The following PIGX variants were observed in gnomAD, a reference collection of about 807,000 sequenced individuals.
PIGX encodes GPI alpha-1,4-mannosyltransferase I, stabilizing subunit.
A neutral mutation model predicts 28.7 loss-of-function variants in PIGX; 24 were observed. That is an observed-to-expected ratio of 0.84 (90% CI 0.60 to 1.17). The LOEUF is 1.17. Ranked by LOEUF, PIGX falls within the 50% of genes most tolerant of loss-of-function variation. The pLI is 0.00. For synonymous variants in PIGX, 127 were observed against 121.0 expected, an observed-to-expected ratio of 1.05 and a Z score of -0.33; for missense variants, 305 against 317.8, an observed-to-expected ratio of 0.96 and a Z score of 0.31.
At chr3:196,725,810 C>G (rs986248680) in intron 3 of PIGX, among the ~76,000 whole-genome samples, 2 of 152,148 alleles carry the variant, frequency 1.3e-5, no homozygotes, top group African/African-American at 4.8e-5. Flanking sequence ...AAACAGAGAA[C>G]TTTTACTCAG....
At position 196,732,245 on chromosome 3, in the gene PIGX, TATATATATA is replaced by T. The variant is rs1712815919; in HGVS notation, c.633+1154_633+1162del. Reference sequence around the variant, plus strand: ...ATATATATATATATATATATATATATATATATATATATTTTATTTTATTTTATTTTTTTT... The same window carrying T: ...ATATATATATATATATATATATATATTATTTTATTTTATTTTATTTTTTTT... On this transcript the variant is annotated intron_variant, in intron 5 of 5. Transcript: ENST00000392391. 1.2e-4 allele frequency among the ~76,000 whole-genome samples: 5 copies of T among 41,048 alleles called. 1 individual carries two copies. The highest frequency in any genetic ancestry group is 8.2e-3 in the Middle Eastern group (1 of 122). 26.9% of individuals were successfully genotyped at this position (41,048 alleles called of 152,430 possible).
chr3:196,728,170 C>T, intron 4 of PIGX, 34 bp downstream of exon 4: 1 of 1,556,838 alleles, frequency 6.4e-7, no homozygotes, highest in Non-Finnish European at 8.8e-7. Context: ...AGGGTTGAAA[C>T]ATCAGAATAA....
At position 196,735,294 on chromosome 3, in the gene PIGX, C is replaced by CAAAAAAAAAAAAAAAA. The variant is rs60317348; in HGVS notation, c.*1407_*1422dup. On this transcript the variant is annotated 3_prime_UTR_variant, in exon 6 of 6. Coordinates refer to ENST00000392391, the MANE Select transcript of PIGX (RefSeq NM_017861.4). The stretch of plus-strand genomic sequence containing the variant: ...TGGGCGACAGAGTGAGACTCTGTCT[C>CAAAAAAAAAAAAAAAA]AAAAAAAAAAAAAAAAAAAAAAAAA... 2.7e-4 allele frequency: 12 copies of CAAAAAAAAAAAAAAAA among 45,234 alleles called. No individual in the cohort carries two copies. The highest frequency in any genetic ancestry group is 2.6e-3 in the East Asian group (1 of 388). 2.8% of individuals were successfully genotyped at this position (45,234 alleles called of 1,614,324 possible). A position where few individuals can be genotyped will look rare whatever the true frequency, so the allele number is the denominator to read the frequency against.
intron 2 of PIGX, among the ~76,000 whole-genome samples, chr3:196,720,201 T>C (rs1420513640): frequency 6.6e-6 from 1 of 152,258 alleles, no homozygotes; most frequent in Admixed American, 6.5e-5. Context: ...CCTTGCCTAT[T>C]GAGCAATAAC....
chr3:196,722,290 C>G, intron 2 of PIGX, 125 bp from the exon 3 acceptor site: 1 of 655,504 alleles, frequency 1.5e-6, no homozygotes. Flanking sequence ...TTCATTTGAC[C>G]TTATAATCTA....
In PIGX at chr3:196,730,979, C is replaced by T. The variant is rs765390551; in HGVS notation, c.533-13C>T. 1.3e-6 allele frequency: 2 copies of T among 1,545,028 alleles called. No homozygotes were observed. The highest frequency in any genetic ancestry group is 1.8e-6 in the Non-Finnish European group (2 of 1,118,432). On this transcript the variant is annotated splice_polypyrimidine_tract_variant and intron_variant, in intron 4 of 5. Transcript: ENST00000392391. ...ACAGGTTTTCTGACATCATTTTCTACCACTTTTCTCAGAGTTCCCGATTTT... is the reference window on the plus strand; with the variant it reads ...ACAGGTTTTCTGACATCATTTTCTATCACTTTTCTCAGAGTTCCCGATTTT...
rs1298397008 is a variant in PIGX, at chr3:196,728,333, TAA to T, written c.532+202_532+203del. On this transcript the variant is annotated intron_variant, in intron 4 of 5. Transcript: ENST00000392391. ...TTTATGTGTGTGCTTTAATTTACAA[TAA>T]AAAAGTTAAAAAGAAACATGCATCT... 13 of 589,940 alleles carry T rather than the reference TAA, an allele frequency of 2.2e-5. No individual in the cohort carries two copies. In the East Asian group the frequency reaches 3.4e-4, roughly 15 times the overall value. 36.5% of individuals were successfully genotyped at this position (589,940 alleles called of 1,614,324 possible).
At chr3:196,718,559 G>C (rs965420707) in intron 2 of PIGX, among the ~76,000 whole-genome samples, 4 of 152,068 alleles carry the variant, frequency 2.6e-5, no homozygotes, top group Non-Finnish European at 4.4e-5. Context: ...GTTTCCAGTA[G>C]TGAACGTACT....
intron 1 of PIGX, among the ~76,000 whole-genome samples, chr3:196,715,862 G>T (rs569621312): frequency 1.3e-5 from 2 of 152,236 alleles, no homozygotes; most frequent in East Asian, 3.9e-4. Flanking sequence ...GTCTTGCTAT[G>T]TTGTCCAGGC....
chr3:196,727,188 A>G (rs775382238), intron 3 of PIGX, among the ~76,000 whole-genome samples: 8 of 152,192 alleles, frequency 5.3e-5, no homozygotes, highest in Non-Finnish European at 1.0e-4. Context: ...GGTCGCGTAT[A>G]TAATGCCTGT....
chr3:196,731,040 G>C lies in PIGX; in HGVS notation c.581G>C (p.Cys194Ser), dbSNP rs1330758252. 4.3e-6 allele frequency: 7 copies of C among 1,611,840 alleles called. No individual in the cohort carries two copies. The highest frequency in any genetic ancestry group is 2.5e-6 in the Non-Finnish European group (3 of 1,178,188). The change falls in exon 5 of 6, where the codon TGT becomes TCT. Residue 194 changes from cysteine to serine, a missense_variant. Transcript: ENST00000392391. ...GCTCACTCAGAAGTGGCAGCCCCTT[G>C]TGCTTTGGAGAATGAGGATATCTGC...
chr3:196,726,159 C>T (rs1290562656), intron 3 of PIGX, among the ~76,000 whole-genome samples: 18 of 152,006 alleles, frequency 1.2e-4, no homozygotes, highest in Admixed American at 3.3e-4. Context: ...GGCATGGTGG[C>T]GTGTGTCTAT....
intron 3 of PIGX, 145 bp from the exon 4 acceptor site, chr3:196,727,778 G>C: frequency 2.0e-6 from 1 of 492,948 alleles, no homozygotes; most frequent in Non-Finnish European, 3.6e-6. Flanking sequence ...CCTTAAAATT[G>C]AGGATGGAAG....
At position 196,722,521 on chromosome 3, in the gene PIGX, G is replaced by A; in HGVS notation, c.283G>A (p.Glu95Lys). Residue 95 changes from glutamate (E) to lysine (K), a missense_variant, in exon 3 of 6, where the codon GAG (glutamate) becomes AAG (lysine). Transcript: ENST00000392391. The stretch of plus-strand genomic sequence containing the variant: ...TGCAGGACTTTATGTGGATCCGTAT[G>A]AGTTGGCTTCATTACGAGAGAGAAA... 1 of 1,613,656 alleles carries A rather than the reference G, an allele frequency of 6.2e-7. No homozygotes were observed. Among genetic ancestry groups the A allele is most frequent in the Non-Finnish European group, 8.5e-7 (1 of 1,179,700 alleles).
At chr3:196,725,976 A>T (rs1486747255) in intron 3 of PIGX, among the ~76,000 whole-genome samples, 1 of 152,240 alleles carries the variant, frequency 6.6e-6, no homozygotes, top group African/African-American at 2.4e-5. Context: ...AGACATATCC[A>T]GCAAGATCAA....
At chr3:196,731,144 C>T (rs1577680581) in intron 5 of PIGX, 52 bp downstream of exon 5, 22 of 983,570 alleles carry the variant, frequency 2.2e-5, no homozygotes, top group Non-Finnish European at 2.7e-5. Flanking sequence ...ATTTAAAGCT[C>T]TTTCTGTAAT....
Position 196,733,919 on chromosome 3 carries a change from T to C in PIGX, c.*17T>C. On this transcript the variant is annotated 3_prime_UTR_variant, in exon 6 of 6. Transcript: ENST00000392391. The surrounding 1 kb of genome is among the most constrained non-coding windows in gnomAD (Gnocchi z 4.3). ...TCCCTATAAGTTTTATGTAGTTAAA[T>C]GCTTCCTAGAAACCTAAATAAGATC... 2 of 1,483,456 alleles carry C rather than the reference T, an allele frequency of 1.3e-6. No homozygotes were observed. Among genetic ancestry groups the C allele is most frequent in the South Asian group, 1.1e-5 (1 of 87,704 alleles). The allele number at this position is 1,483,456 out of a possible 1,614,324, so 91.9% of individuals were successfully genotyped here. A position where few individuals can be genotyped will look rare whatever the true frequency, so the allele number is the denominator to read the frequency against.
rs1243031149 is a variant in PIGX, at chr3:196,734,725, T to C, written c.*823T>C. ...ATTAATATCAAAATTATTGATAATCTTAAATTATTGATTATTCCTTAACGC... is the reference window on the plus strand; with the variant it reads ...ATTAATATCAAAATTATTGATAATCCTAAATTATTGATTATTCCTTAACGC... On this transcript the variant is annotated 3_prime_UTR_variant, in exon 6 of 6. Coordinates refer to ENST00000392391, the MANE Select transcript of PIGX (RefSeq NM_017861.4). 1.3e-5 allele frequency: 2 copies of C among 152,232 alleles called. No individual in the cohort carries two copies. The highest frequency in any genetic ancestry group is 2.9e-5 in the Non-Finnish European group (2 of 68,034). The allele number at this position is 152,232 out of a possible 1,614,324, so 9.4% of individuals were successfully genotyped here.
At chr3:196,721,158 A>T (rs1006918508) in intron 2 of PIGX, 8 of 374,142 alleles carry the variant, frequency 2.1e-5, no homozygotes, top group African/African-American at 1.3e-4. Context: ...TTTCTGTTAC[A>T]TTCTCTTCTC....
Sources: allele counts gnomAD v4.1 joint callset (sites outside exome capture counted in the v4.1 genomes callset), GRCh38; gene constraint gnomAD v4.1.1; non-coding constraint Gnocchi (gnomAD v3.1); transcripts MANE v1.5; gene names NCBI Gene and HGNC (gene_info 2026-07-23, HGNC 2026-07-21).